The following PLXNC1 variants were observed in gnomAD, a reference collection of about 807,000 sequenced individuals.
PLXNC1 encodes the protein plexin C1.
A neutral mutation model predicts 178.2 loss-of-function variants in PLXNC1; 75 were observed. The observed-to-expected ratio is 0.42, with a 90% CI of 0.35 to 0.51. PLXNC1 has a LOEUF of 0.51. PLXNC1 is among the 20% of genes least tolerant of loss of function. The probability of loss-of-function intolerance (pLI) is 0.02; values close to 1 mark genes in which losing one functional copy is unlikely to be tolerated. For synonymous variants in PLXNC1, 790 were observed against 779.9 expected (o/e 1.01, Z -0.22); for missense variants, 1,503 against 1,984.4 (o/e 0.76, Z 4.61).
chr12:94,251,782 A>G (rs1234837269), intron 15 of PLXNC1, among the ~76,000 whole-genome samples: 1 of 152,232 alleles, frequency 6.6e-6, no homozygotes, highest in Admixed American at 6.5e-5. Flanking sequence ...CCTTGAGGTC[A>G]GGAGTTCAAG....
At chr12:94,219,482 C>T (rs1234029861) in intron 5 of PLXNC1, among the ~76,000 whole-genome samples, 4 of 152,054 alleles carry the variant, frequency 2.6e-5, no homozygotes, top group Admixed American at 2.6e-4. Flanking sequence ...GATGTTGGAA[C>T]AATTTTATAT....
chr12:94,278,473 A>C (rs1966158040), intron 21 of PLXNC1, among the ~76,000 whole-genome samples: 1 of 152,234 alleles, frequency 6.6e-6, no homozygotes, highest in South Asian at 2.1e-4. Context: ...ACGTGCACAA[A>C]GGCCTTACTT....
intron 5 of PLXNC1, among the ~76,000 whole-genome samples, chr12:94,214,055 A>G (rs1963571374): frequency 6.6e-6 from 1 of 151,332 alleles, no homozygotes. Flanking sequence ...GTATTCCTTA[A>G]ACAATATGGT....
rs775035304 is a variant in PLXNC1 at position 94,187,190 on chromosome 12, G to GAA, written c.1439+718_1439+719insAA. On this transcript the variant is annotated intron_variant, in intron 4 of 30. Coordinates refer to ENST00000258526, the MANE Select transcript of PLXNC1 (RefSeq NM_005761.3). ...CAGGCAGGAAAGAGAGAGAGAGAGA[G>GAA]AGAAAAAAAAACCCATAACAGTGTC... Among the ~76,000 whole-genome samples the GAA allele has an allele frequency of 6.4e-3, 543 of 85,118 alleles. 5 individuals are homozygous for GAA. Among genetic ancestry groups the GAA allele is most frequent in the African/African-American group, 0.013 (426 of 33,490 alleles). 55.8% of individuals were successfully genotyped at this position (85,118 alleles called of 152,430 possible). A position where few individuals can be genotyped will look rare whatever the true frequency, so the allele number is the denominator to read the frequency against.
chr12:94,235,598 C>T (rs191503496), intron 9 of PLXNC1, among the ~76,000 whole-genome samples: 12 of 152,242 alleles, frequency 7.9e-5, no homozygotes, highest in Middle Eastern at 6.8e-3. Flanking sequence ...TCCTCTAGAG[C>T]AGAGGTCGGC....
chr12:94,201,650 C>G lies in PLXNC1; in HGVS notation c.1440-7940C>G, dbSNP rs538713453. Among the ~76,000 whole-genome samples the G allele has an allele frequency of 1.6e-3, 246 of 151,386 alleles. 2 individuals are homozygous for G. The highest frequency in any genetic ancestry group is 5.8e-3 in the African/African-American group (241 of 41,210). ...CTTCCTTCACTAAGTTCTAGCCAAG[C>G]TGGTCTATTTCATCAGTTCCTTGCA... On this transcript the variant is annotated intron_variant, in intron 4 of 30. Coordinates refer to ENST00000258526, the MANE Select transcript of PLXNC1 (RefSeq NM_005761.3).
chr12:94,169,035 TG>T, intron 1 of PLXNC1, 117 bp from the exon 2 acceptor site: 2 of 880,858 alleles, frequency 2.3e-6, no homozygotes, highest in Non-Finnish European at 3.5e-6. Context: ...AGAATATATG[TG>T]GGGCCCAGAA....
chr12:94,254,995 A>C, intron 16 of PLXNC1, 107 bp downstream of exon 16: 1 of 1,027,680 alleles, frequency 9.7e-7, no homozygotes, highest in Non-Finnish European at 1.5e-6. Flanking sequence ...TGTTTGTATA[A>C]TAGAAGGCAA....
chr12:94,213,755 A>T (rs1963560983), intron 5 of PLXNC1, among the ~76,000 whole-genome samples: 1 of 152,110 alleles, frequency 6.6e-6, no homozygotes, highest in Admixed American at 6.5e-5. Context: ...GGTATTGCCT[A>T]GGTTTTCTTC....
At chr12:94,163,479 C>T (rs1014296772) in intron 1 of PLXNC1, among the ~76,000 whole-genome samples, 1 of 151,828 alleles carries the variant, frequency 6.6e-6, no homozygotes, top group African/African-American at 2.4e-5. Flanking sequence ...CTGAAATTAG[C>T]CATAGGGAGG....
At chr12:94,196,489 A>G (rs1962919776) in intron 4 of PLXNC1, among the ~76,000 whole-genome samples, 1 of 152,196 alleles carries the variant, frequency 6.6e-6, no homozygotes, top group Non-Finnish European at 1.5e-5. Context: ...CACCAGGAGC[A>G]GACACTACCC....
Position 94,193,152 on chromosome 12 carries a change from C to T in PLXNC1, c.1439+6679C>T, listed in dbSNP as rs185554314. 3.3e-3 allele frequency among the ~76,000 whole-genome samples: 505 copies of T among 152,118 alleles called. 2 individuals are homozygous for T. The highest frequency in any genetic ancestry group is 0.01 in the African/African-American group (431 of 41,494). ...AGCTTGGCCTGAAGCTCAGTGTGGA[C>T]GAGCTTCACATTAAAGAATTTGAAT... On this transcript the variant is annotated intron_variant, in intron 4 of 30. Coordinates refer to ENST00000258526, the MANE Select transcript of PLXNC1 (RefSeq NM_005761.3).
At chr12:94,198,886 A>G (rs534880892) in intron 4 of PLXNC1, among the ~76,000 whole-genome samples, 1 of 152,248 alleles carries the variant, frequency 6.6e-6, no homozygotes, top group African/African-American at 2.4e-5. Context: ...CTTTACATCT[A>G]CAAAGACCCT....
intron 2 of PLXNC1, among the ~76,000 whole-genome samples, chr12:94,170,473 AT>A (rs985612546): frequency 1.3e-5 from 2 of 151,862 alleles, no homozygotes; most frequent in Non-Finnish European, 2.9e-5. Flanking sequence ...ACGGCACCTT[AT>A]GTGTCTATGC....
chr12:94,189,936 C>T (rs1962662614), intron 4 of PLXNC1, among the ~76,000 whole-genome samples: 1 of 152,008 alleles, frequency 6.6e-6, no homozygotes. Context: ...AGGGAAGTGG[C>T]CAGGGCTGGG....
At position 94,254,286 on chromosome 12, in the gene PLXNC1, C is replaced by T. The variant is rs17301517; in HGVS notation, c.2882-501C>T. The stretch of plus-strand genomic sequence containing the variant: ...ATGGAGGTATGGGAGTTCCTTGTGG[C>T]TCGCTCATCATGTCACCCCATTAGC... On this transcript the variant is annotated intron_variant, in intron 15 of 30. Transcript: ENST00000258526. Among the ~76,000 whole-genome samples, 1,401 of 152,320 alleles carry T rather than the reference C, an allele frequency of 9.2e-3. 9 individuals carry two copies. The highest frequency in any genetic ancestry group is 0.017 in the Middle Eastern group (5 of 294).
At chr12:94,261,188 C>G (rs2136082094) in intron 20 of PLXNC1, among the ~76,000 whole-genome samples, 1 of 152,308 alleles carries the variant, frequency 6.6e-6, no homozygotes, top group South Asian at 2.1e-4. Context: ...TTCAGGCCCT[C>G]TGAAGCATTG....
intron 10 of PLXNC1, among the ~76,000 whole-genome samples, chr12:94,239,001 T>G (rs934080633): frequency 6.6e-6 from 1 of 152,218 alleles, no homozygotes; most frequent in African/African-American, 2.4e-5. Flanking sequence ...GTTAGACACC[T>G]GTGTATTCAC....
At position 94,279,540 on chromosome 12, in the gene PLXNC1, C is replaced by G. The variant is rs116695979; in HGVS notation, c.3666C>G (p.Val1222=). ...CAGATGTCTGTCGGAATATTTCAGT[C>G]AATGTTCTCGACTGTGACACCATTG... ...ESADVCRNIS[V]NVLDCDTIGQ... The change falls in exon 22 of 31, where the codon GTC becomes GTG. Residue 1222 remains valine (V), a synonymous_variant. Transcript: ENST00000258526. The G allele has an allele frequency of 7.4e-6, 12 of 1,614,154 alleles. No homozygotes were observed. The East Asian group carries it at 2.5e-4, about 33-fold the overall frequency.
Sources: gnomAD v4.1 joint callset for allele counts (sites outside exome capture counted in the v4.1 genomes callset) on GRCh38, gnomAD v4.1.1 for gene constraint, MANE v1.5 for transcripts, NCBI Gene and HGNC (gene_info 2026-07-23, HGNC 2026-07-21) for gene names.